The following SPICE1 variants were observed in gnomAD, a reference collection of about 807,000 sequenced individuals.
SPICE1 encodes the protein spindle and centriole associated protein 1.
SPICE1 carries 75 observed loss-of-function variants against 102.7 expected under a neutral mutation model. The ratio of observed to expected loss-of-function variants is 0.73; its 90% CI spans 0.61 to 0.88. SPICE1 has a LOEUF of 0.88. Ranked by LOEUF, SPICE1 falls within the 40% of genes least tolerant of loss-of-function variation. The pLI is 0.00. For synonymous variants in SPICE1, 308 were observed against 350.3 expected (o/e 0.88, Z 1.35); for missense variants, 979 against 1,020.1 (o/e 0.96, Z 0.55).
chr3:113,457,429 C>A, intron 12 of SPICE1, 72 bp from the exon 13 acceptor site: 2 of 1,478,804 alleles, frequency 1.4e-6, no homozygotes, highest in South Asian at 1.2e-5. Flanking sequence ...GGTATTTATT[C>A]TTAAATGCAT....
chr3:113,474,756 A>G (rs139682662), intron 7 of SPICE1, among the ~76,000 whole-genome samples: 6,523 of 152,324 alleles, frequency 0.043, 165 homozygotes, highest in East Asian at 0.1. Flanking sequence ...CAAAGACACA[A>G]CATACCAGAA....
intron 17 of SPICE1, 85 bp downstream of exon 17, chr3:113,446,504 T>A (rs1935516205): frequency 7.3e-6 from 7 of 961,050 alleles, no homozygotes; most frequent in East Asian, 2.6e-5. Flanking sequence ...ATAACAGGAA[T>A]GATAATTAAG....
chr3:113,514,219 A>G (rs1305655597), intron 1 of SPICE1, among the ~76,000 whole-genome samples: 1 of 152,238 alleles, frequency 6.6e-6, no homozygotes, highest in Non-Finnish European at 1.5e-5. Context: ...TGTGAGCCAC[A>G]GCAATCTGAA....
chr3:113,460,815 C>T, intron 11 of SPICE1, 51 bp from the exon 12 acceptor site: 1 of 1,518,484 alleles, frequency 6.6e-7, no homozygotes, highest in East Asian at 2.3e-5. Flanking sequence ...AAACATCAAA[C>T]CACCACCTAG....
intron 11 of SPICE1, among the ~76,000 whole-genome samples, chr3:113,462,856 G>A (rs373229407): frequency 2.0e-4 from 30 of 152,128 alleles, no homozygotes; most frequent in African/African-American, 6.3e-4. Flanking sequence ...TCTCTTTAGT[G>A]GTTTCCCATC....
intron 12 of SPICE1, among the ~76,000 whole-genome samples, chr3:113,457,998 T>C (rs574610051): frequency 6.6e-6 from 1 of 152,286 alleles, no homozygotes; most frequent in Admixed American, 6.5e-5. Context: ...AACAAGGAAC[T>C]TCACAGGTCA....
intron 6 of SPICE1, 111 bp from the exon 7 acceptor site, chr3:113,489,174 CAT>C: frequency 1.6e-6 from 1 of 640,252 alleles, no homozygotes; most frequent in East Asian, 2.7e-5. Context: ...AAGCCCTCCA[CAT>C]GTTGTAGAAC....
chr3:113,513,078 A>T (rs7631138), intron 1 of SPICE1, among the ~76,000 whole-genome samples: 31,682 of 151,938 alleles, frequency 0.21, 3,574 homozygotes, highest in African/African-American at 0.29. Flanking sequence ...AAACAAACAC[A>T]CTGTGAAAAT....
chr3:113,458,259 C>A (rs529473653), intron 12 of SPICE1, among the ~76,000 whole-genome samples: 1 of 151,970 alleles, frequency 6.6e-6, no homozygotes, highest in Admixed American at 6.6e-5. Flanking sequence ...CCCTCTGATG[C>A]CCAGCCGAGG....
intron 7 of SPICE1, among the ~76,000 whole-genome samples, chr3:113,479,804 A>G (rs1052802964): frequency 6.6e-6 from 1 of 152,204 alleles, no homozygotes; most frequent in African/African-American, 2.4e-5. Flanking sequence ...AATTAAAAAT[A>G]AAAGAATGAA....
intron 14 of SPICE1, among the ~76,000 whole-genome samples, chr3:113,452,505 G>A (rs1355042143): frequency 2.0e-5 from 3 of 151,536 alleles, no homozygotes; most frequent in Admixed American, 1.3e-4. Context: ...CCAACATGGC[G>A]AAACCCCGCC....
At chr3:113,501,601 G>A (rs1359398044) in intron 3 of SPICE1, among the ~76,000 whole-genome samples, 1 of 152,052 alleles carries the variant, frequency 6.6e-6, no homozygotes, top group Non-Finnish European at 1.5e-5. Context: ...AAATGACTAA[G>A]GTATTTGAAT....
chr3:113,446,581 A>G lies in SPICE1; in HGVS notation c.2514+8T>C, dbSNP rs757938835. The G allele has an allele frequency of 6.2e-7, 1 of 1,609,272 alleles. No homozygotes were observed. Among genetic ancestry groups the G allele is most frequent in the South Asian group, 1.1e-5 (1 of 90,554 alleles). On this transcript the variant is annotated splice_region_variant and intron_variant, in intron 17 of 17. Transcript: ENST00000295872. Reference sequence around the variant, plus strand: ...ATATGCATTTCACAATTACATTTTAACGTGTACCTTTGCTCTTGGATTAAG... The same window carrying G: ...ATATGCATTTCACAATTACATTTTAGCGTGTACCTTTGCTCTTGGATTAAG...
intron 13 of SPICE1, 73 bp from the exon 14 acceptor site, chr3:113,454,023 GC>G: frequency 7.5e-7 from 1 of 1,331,692 alleles, no homozygotes; most frequent in Non-Finnish European, 1.0e-6. Context: ...CATTTCATTA[GC>G]CCACCATGGT....
At chr3:113,469,322 T>C (rs1936139195) in intron 7 of SPICE1, 84 bp from the exon 8 acceptor site, 1 of 435,380 alleles carries the variant, frequency 2.3e-6, no homozygotes. Context: ...ATAGCAGGCA[T>C]TTAATTTATA....
chr3:113,503,778 C>T (rs1937054702), intron 2 of SPICE1, among the ~76,000 whole-genome samples: 3 of 151,920 alleles, frequency 2.0e-5, no homozygotes, highest in Non-Finnish European at 4.4e-5. Flanking sequence ...ACTAAAAATA[C>T]AAAAATTAGC....
chr3:113,494,646 CA>C (rs35761157), intron 4 of SPICE1, among the ~76,000 whole-genome samples: 1,362 of 108,410 alleles, frequency 0.013, 15 homozygotes, highest in African/African-American at 0.039. Flanking sequence ...GACTCCGTCT[CA>C]AAAAAAAAAA....
In SPICE1 at chr3:113,445,258, A is replaced by G. The variant is rs1375617278; in HGVS notation, c.*49T>C. 7 of 1,471,394 alleles carry G rather than the reference A, an allele frequency of 4.8e-6. No individual in the cohort carries two copies. The highest frequency in any genetic ancestry group is 1.4e-5 in the African/African-American group (1 of 71,644). 91.1% of individuals were successfully genotyped at this position (1,471,394 alleles called of 1,614,324 possible). ...AAAACTTAAAAGTCAGAGCAGGGAA[A>G]GGGAAGTAATAAATTATTAAGAACA... On this transcript the variant is annotated 3_prime_UTR_variant, in exon 18 of 18. Coordinates refer to ENST00000295872, the MANE Select transcript of SPICE1 (RefSeq NM_144718.4).
chr3:113,456,017 A>G (rs1935770983), intron 13 of SPICE1, among the ~76,000 whole-genome samples: 1 of 152,196 alleles, frequency 6.6e-6, no homozygotes, highest in South Asian at 2.1e-4. Context: ...GAAAAGGTAA[A>G]CTATCTGAGC....
Sources: allele counts gnomAD v4.1 joint callset (sites outside exome capture counted in the v4.1 genomes callset), GRCh38; gene constraint gnomAD v4.1.1; transcripts MANE v1.5; gene names NCBI Gene and HGNC (gene_info 2026-07-23, HGNC 2026-07-21).